LIN28B: variants seen among roughly 807,000 people sequenced by gnomAD.
LIN28B encodes lin-28 RNA binding posttranscriptional regulator B.
A neutral mutation model predicts 21.9 loss-of-function variants in LIN28B; 5 were observed. That is an observed-to-expected ratio of 0.23 (90% CI 0.12 to 0.48). The LOEUF (loss-of-function observed/expected upper bound fraction) is 0.48, where lower values mean the gene tolerates loss of function less well. Ranked by LOEUF, LIN28B falls within the 20% of genes least tolerant of loss-of-function variation. The probability of loss-of-function intolerance (pLI) is 0.98; values close to 1 mark genes in which losing one functional copy is unlikely to be tolerated. For missense variants in LIN28B, 245 were observed against 310.5 expected (o/e 0.79, Z 1.58); for synonymous variants, 109 against 111.3 (o/e 0.98, Z 0.13).
At chr6:104,979,116 T>C (rs1444040425) in intron 2 of LIN28B, among the ~76,000 whole-genome samples, 3 of 152,158 alleles carry the variant, frequency 2.0e-5, no homozygotes, top group African/African-American at 4.8e-5. Context: ...TAGGGTGTTA[T>C]ATATTGTATT....
intron 2 of LIN28B, among the ~76,000 whole-genome samples, chr6:104,943,201 A>G (rs1426673105): frequency 6.6e-6 from 1 of 152,156 alleles, no homozygotes; most frequent in Non-Finnish European, 1.5e-5. Flanking sequence ...CGGTGAATTT[A>G]AGTTTGGCTT....
chr6:104,938,783 G>A (rs990424768), intron 2 of LIN28B, among the ~76,000 whole-genome samples: 2 of 151,760 alleles, frequency 1.3e-5, no homozygotes, highest in Non-Finnish European at 2.9e-5. Flanking sequence ...GTTCATCATC[G>A]CCCCTTTCGG....
At chr6:105,048,999 T>C (rs1024580557) in intron 3 of LIN28B, among the ~76,000 whole-genome samples, 2 of 152,160 alleles carry the variant, frequency 1.3e-5, no homozygotes, top group Non-Finnish European at 2.9e-5. Flanking sequence ...TGAAGGGTTT[T>C]TTGTGTCTCT....
chr6:105,025,091 A>C (rs1582903365), intron 2 of LIN28B, among the ~76,000 whole-genome samples: 1 of 152,174 alleles, frequency 6.6e-6, no homozygotes, highest in East Asian at 1.9e-4. Context: ...GTTGTTACTC[A>C]GAACTCAAAT....
chr6:105,063,568 T>C (rs1772163775), intron 3 of LIN28B, among the ~76,000 whole-genome samples: 1 of 136,680 alleles, frequency 7.3e-6, no homozygotes, highest in East Asian at 2.2e-4. Context: ...CCTGGGAGGC[T>C]GAAGTTGCAG....
Position 105,048,172 on chromosome 6 carries a change from T to G in LIN28B, c.383+21690T>G, listed in dbSNP as rs1175784991. On this transcript the variant is annotated intron_variant, in intron 3 of 3. Coordinates refer to ENST00000345080, the MANE Select transcript of LIN28B (RefSeq NM_001004317.4). The stretch of plus-strand genomic sequence containing the variant: ...CTGTGGGTTTGTCATAAATAGCTCT[T>G]ATTATTTTGAGATACGTCCCATCAA... 7.9e-5 allele frequency among the ~76,000 whole-genome samples: 12 copies of G among 152,368 alleles called. 1 individual carries two copies. The East Asian group carries it at 2.3e-3, about 29-fold the overall frequency.
chr6:105,051,844 G>A (rs1183557959), intron 3 of LIN28B, among the ~76,000 whole-genome samples: 2 of 152,148 alleles, frequency 1.3e-5, no homozygotes, highest in African/African-American at 2.4e-5. Context: ...GGGTCTTGAC[G>A]TCCTGGAGCA....
At chr6:105,037,611 C>A (rs1771547462) in intron 3 of LIN28B, among the ~76,000 whole-genome samples, 1 of 151,038 alleles carries the variant, frequency 6.6e-6, no homozygotes, top group Admixed American at 6.6e-5. Flanking sequence ...CTCTCAAGTT[C>A]AGGTGATCCT....
intron 3 of LIN28B, among the ~76,000 whole-genome samples, chr6:105,048,008 A>C (rs932338912): frequency 6.6e-6 from 1 of 152,132 alleles, no homozygotes; most frequent in African/African-American, 2.4e-5. Context: ...AATACCCTTT[A>C]TTTCTTTCTC....
chr6:105,024,445 G>A (rs221618), intron 2 of LIN28B, among the ~76,000 whole-genome samples: 73,657 of 152,004 alleles, frequency 0.48, 19,757 homozygotes, highest in East Asian at 0.69. Flanking sequence ...TGAGTGGAGA[G>A]GGAGAAAGGA....
chr6:104,980,870 T>C (rs1238877040), intron 2 of LIN28B, among the ~76,000 whole-genome samples: 1 of 152,154 alleles, frequency 6.6e-6, no homozygotes, highest in African/African-American at 2.4e-5. Flanking sequence ...TTCTAATCTG[T>C]TAGTAATTTT....
chr6:104,963,877 TA>T (rs1376507114), intron 2 of LIN28B, among the ~76,000 whole-genome samples: 1 of 152,184 alleles, frequency 6.6e-6, no homozygotes, highest in Non-Finnish European at 1.5e-5. Context: ...ATTTTTTAAA[TA>T]AAAATATGAG....
intron 3 of LIN28B, among the ~76,000 whole-genome samples, chr6:105,045,128 C>T (rs1771723914): frequency 6.6e-6 from 1 of 152,008 alleles, no homozygotes; most frequent in Non-Finnish European, 1.5e-5. Flanking sequence ...AGAAAAGTTT[C>T]AGAAATACCT....
At chr6:105,051,815 C>G (rs969465735) in intron 3 of LIN28B, among the ~76,000 whole-genome samples, 4 of 152,140 alleles carry the variant, frequency 2.6e-5, no homozygotes, top group Admixed American at 6.5e-5. Context: ...GAACATGGAG[C>G]AGAGAATGGA....
intron 2 of LIN28B, among the ~76,000 whole-genome samples, chr6:104,975,333 C>T (rs1471064167): frequency 2.6e-5 from 4 of 152,066 alleles, no homozygotes; most frequent in African/African-American, 4.8e-5. Flanking sequence ...GTTAATTCCT[C>T]TGCAGATTAA....
chr6:105,047,824 G>A (rs1220536864), intron 3 of LIN28B, among the ~76,000 whole-genome samples: 1 of 152,128 alleles, frequency 6.6e-6, no homozygotes, highest in Non-Finnish European at 1.5e-5. Flanking sequence ...CTGTTTGTCT[G>A]TTATTGGTGT....
chr6:104,951,583 G>C (rs1778221758), intron 3 of LIN28B, among the ~76,000 whole-genome samples: 1 of 151,824 alleles, frequency 6.6e-6, no homozygotes, highest in Non-Finnish European at 1.5e-5. Flanking sequence ...GGCCAGTTCA[G>C]AGACCTTTTT....
intron 2 of LIN28B, among the ~76,000 whole-genome samples, chr6:104,974,601 A>G (rs757507715): frequency 6.6e-6 from 1 of 151,838 alleles, no homozygotes; most frequent in Non-Finnish European, 1.5e-5. Flanking sequence ...ATTGCGGTAT[A>G]GGTATTTCTT....
At chr6:105,047,454 T>G (rs1482958568) in intron 3 of LIN28B, among the ~76,000 whole-genome samples, 3 of 152,226 alleles carry the variant, frequency 2.0e-5, no homozygotes, top group Non-Finnish European at 2.9e-5. Flanking sequence ...GGCAGCATGA[T>G]GCCTCCAGCT....
Sources: allele counts gnomAD v4.1 joint callset (sites outside exome capture counted in the v4.1 genomes callset), GRCh38; gene constraint gnomAD v4.1.1; transcripts MANE v1.5; gene names NCBI Gene and HGNC (gene_info 2026-07-23, HGNC 2026-07-21).